The following ACBD6 variants were observed in gnomAD, a reference collection of about 807,000 sequenced individuals.
The protein encoded by ACBD6 is acyl-CoA binding domain containing 6.
Under a neutral mutation model 37.2 loss-of-function variants are expected in ACBD6, and 28 were observed. That is an observed-to-expected ratio of 0.75 (90% CI 0.56 to 1.03). The LOEUF is 1.03. Ranked by LOEUF, ACBD6 falls within the 50% of genes least tolerant of loss-of-function variation. The pLI, the probability that ACBD6 is intolerant of heterozygous loss-of-function variation, is 0.00. For synonymous variants in ACBD6, 113 were observed against 126.8 expected, an observed-to-expected ratio of 0.89 and a Z score of 0.73; for missense variants, 340 against 337.4, an observed-to-expected ratio of 1.01 and a Z score of -0.06.
intron 3 of ACBD6, among the ~76,000 whole-genome samples, chr1:180,437,461 G>A (rs551550968): frequency 2.3e-4 from 35 of 152,310 alleles, no homozygotes; most frequent in African/African-American, 4.8e-5. Context: ...AAATCCCCAC[G>A]TATTTGGTCA....
intron 6 of ACBD6, among the ~76,000 whole-genome samples, chr1:180,320,469 C>T (rs1430725677): frequency 6.6e-6 from 1 of 150,824 alleles, no homozygotes; most frequent in Non-Finnish European, 1.5e-5. Flanking sequence ...AACCCCATCT[C>T]TATTAAAAAA....
At chr1:180,271,624 T>C (rs1648666362) in exon 14 of ACBD6, 16 of 1,525,630 alleles carry the variant, frequency 1.0e-5, no homozygotes, top group East Asian at 4.5e-5. Context: ...TCACGGGTGG[T>C]TGGGCTCAGG....
At chr1:180,305,451 A>G (rs1426740028) in intron 7 of ACBD6, among the ~76,000 whole-genome samples, 4 of 152,238 alleles carry the variant, frequency 2.6e-5, no homozygotes, top group Non-Finnish European at 5.9e-5. Context: ...GGATATCAAT[A>G]GACACTTCTC....
chr1:180,450,708 C>T (rs192800597), intron 3 of ACBD6, among the ~76,000 whole-genome samples: 5 of 152,012 alleles, frequency 3.3e-5, no homozygotes, highest in East Asian at 3.9e-4. Context: ...TGCAGTGAGC[C>T]GAGATTGCGC....
chr1:180,495,398 T>G, intron 2 of ACBD6, 63 bp downstream of exon 2: 1 of 1,240,214 alleles, frequency 8.1e-7, no homozygotes, highest in Non-Finnish European at 1.2e-6. Flanking sequence ...CTCACTGCTT[T>G]CTAATTCCTA....
In ACBD6 at chr1:180,502,046, T is replaced by A. The variant is rs777997932; in HGVS notation, c.221A>T (p.Gln74Leu). Residue 74 changes from glutamine (Q) to leucine (L), a missense_variant and splice_region_variant, in exon 1 of 8, where the codon CAG (glutamine) becomes CTG (leucine). Gln to Leu is a moderately radical substitution (Grantham distance 113). Transcript: ENST00000367595. ...TCCACCCTCTCCCTGCTACTTTACC[T>A]GTTTGTACCTGGCATACAGGTACAA... Reference protein sequence around the residue: ...QLLYLYARYKQVKVGNCNTPK... With the variant: ...QLLYLYARYKLVKVGNCNTPK... 6.2e-7 allele frequency: 1 copy of A among 1,613,508 alleles called. No individual in the cohort carries two copies. The highest frequency in any genetic ancestry group is 8.5e-7 in the Non-Finnish European group (1 of 1,179,760).
At chr1:180,431,152 G>GT (rs1166613441) in intron 3 of ACBD6, among the ~76,000 whole-genome samples, 13 of 148,334 alleles carry the variant, frequency 8.8e-5, no homozygotes, top group Admixed American at 4.1e-4. Flanking sequence ...AGAAGTACGA[G>GT]TTTTGTTTTG....
At chr1:180,355,649 A>G (rs1652596312) in intron 6 of ACBD6, among the ~76,000 whole-genome samples, 1 of 151,978 alleles carries the variant, frequency 6.6e-6, no homozygotes, top group African/African-American at 2.4e-5. Flanking sequence ...TTCTTTTTCC[A>G]CAGTAATGAA....
chr1:180,479,623 T>C (rs1368778283), intron 3 of ACBD6, among the ~76,000 whole-genome samples: 1 of 152,136 alleles, frequency 6.6e-6, no homozygotes. Flanking sequence ...AATGTACAGA[T>C]ACCCGAAATG....
intron 6 of ACBD6, among the ~76,000 whole-genome samples, chr1:180,351,498 G>C (rs988337831): frequency 6.6e-6 from 1 of 150,714 alleles, no homozygotes; most frequent in African/African-American, 2.4e-5. Context: ...TGATGGTCTC[G>C]ATCTGACCTT....
At chr1:180,500,027 C>G (rs867090475) in intron 1 of ACBD6, among the ~76,000 whole-genome samples, 1 of 151,678 alleles carries the variant, frequency 6.6e-6, no homozygotes, top group Admixed American at 6.6e-5. Context: ...GCAGGAGGAT[C>G]GCTTGAAGCC....
intron 6 of ACBD6, among the ~76,000 whole-genome samples, chr1:180,340,177 T>C (rs1034001503): frequency 6.6e-5 from 10 of 152,168 alleles, no homozygotes; most frequent in Non-Finnish European, 1.5e-4. Flanking sequence ...GCATAGGGCC[T>C]AGTAAGCCAT....
chr1:180,475,615 G>C (rs144941790), intron 3 of ACBD6, among the ~76,000 whole-genome samples: 234 of 152,190 alleles, frequency 1.5e-3, no homozygotes, highest in African/African-American at 5.3e-3. Flanking sequence ...GAACTCTTAT[G>C]CTCAAGCAGT....
chr1:180,376,363 A>G (rs1653432791), intron 6 of ACBD6, among the ~76,000 whole-genome samples: 1 of 152,194 alleles, frequency 6.6e-6, no homozygotes, highest in African/African-American at 2.4e-5. Context: ...AACAACATGA[A>G]AATACATATG....
rs559494515 is a variant in ACBD6, at chr1:180,483,450, C to T, written c.384+8819G>A. On this transcript the variant is annotated intron_variant, in intron 3 of 7. Coordinates refer to ENST00000367595, the MANE Select transcript of ACBD6 (RefSeq NM_032360.4). ...CTATAATATTTACTTTATTACTTAT[C>T]TCTGTCCGACTGTAAGCTTCCTAAG... Among the ~76,000 whole-genome samples the T allele has an allele frequency of 2.0e-5, 3 of 152,188 alleles. No individual in the cohort carries two copies. In the South Asian group the frequency reaches 6.2e-4, roughly 32 times the overall value.
intron 6 of ACBD6, 152 bp from the exon 7 acceptor site, chr1:180,314,874 C>T: frequency 3.2e-6 from 2 of 621,536 alleles, no homozygotes; most frequent in Non-Finnish European, 5.9e-6. Context: ...TTCACCGTAA[C>T]TTTTGACCAA....
intron 6 of ACBD6, among the ~76,000 whole-genome samples, chr1:180,343,579 C>T (rs1375465357): frequency 2.6e-5 from 4 of 152,190 alleles, no homozygotes; most frequent in Admixed American, 2.0e-4. Context: ...GCAGAACCTT[C>T]ATCCTTCACA....
At chr1:180,285,814 T>TA (rs1649479321), downstream of ACBD6, among the ~76,000 whole-genome samples, 1 of 151,972 alleles carries the variant, frequency 6.6e-6, no homozygotes, top group Non-Finnish European at 1.5e-5. Flanking sequence ...GCTGAAACAT[T>TA]AAAAAAAGAT....
intron 7 of ACBD6, among the ~76,000 whole-genome samples, chr1:180,302,506 A>G (rs974454509): frequency 6.6e-6 from 1 of 152,102 alleles, no homozygotes; most frequent in Non-Finnish European, 1.5e-5. Flanking sequence ...TTGTTGGTTT[A>G]AAGTCTGTTT....
Sources: allele counts gnomAD v4.1 joint callset (sites outside exome capture counted in the v4.1 genomes callset), GRCh38; gene constraint gnomAD v4.1.1; transcripts MANE v1.5; gene names NCBI Gene and HGNC (gene_info 2026-07-23, HGNC 2026-07-21).